Variants in TAOK1 observed in about 807,000 individuals in gnomAD.
TAOK1 encodes TAO kinase 1, also known as serine/threonine-protein kinase TAO1.
Under a neutral mutation model 138.3 loss-of-function variants are expected in TAOK1, and 21 were observed. The ratio of observed to expected loss-of-function variants is 0.15; its 90% confidence interval spans 0.11 to 0.22. The LOEUF is 0.22. TAOK1 is among the 10% of genes least tolerant of loss of function. The probability of loss-of-function intolerance (pLI) is 1.00; values close to 1 mark genes in which losing one functional copy is unlikely to be tolerated. For missense variants in TAOK1, 651 were observed against 1,227.7 expected (o/e 0.53, Z 7.02); for synonymous variants, 361 against 398.4 (o/e 0.91, Z 1.12).
intron 16 of TAOK1, 114 bp downstream of exon 16, chr17:29,517,770 A>G (rs1691489500): frequency 2.2e-6 from 2 of 915,378 alleles, no homozygotes; most frequent in Non-Finnish European, 3.2e-6. Context: ...CTCTGTCTGA[A>G]TCATTCTTCC....
intron 8 of TAOK1, among the ~76,000 whole-genome samples, chr17:29,484,671 C>T (rs2031131710): frequency 6.6e-6 from 1 of 152,010 alleles, no homozygotes; most frequent in Admixed American, 6.6e-5. Flanking sequence ...GTGGCACAAT[C>T]TTGGCTCACT....
intron 11 of TAOK1, among the ~76,000 whole-genome samples, chr17:29,496,293 T>C (rs1236630010): frequency 1.3e-5 from 2 of 151,998 alleles, no homozygotes; most frequent in Non-Finnish European, 2.9e-5. Context: ...ATTTTTTGTA[T>C]TTTTAGTAGA....
At chr17:29,395,940 T>C (rs896644910) in intron 1 of TAOK1, among the ~76,000 whole-genome samples, 1 of 149,252 alleles carries the variant, frequency 6.7e-6, no homozygotes, top group African/African-American at 2.5e-5. Flanking sequence ...AGTGCTGAGA[T>C]TACAGACATG....
At chr17:29,530,898 A>G (rs1278807661) in intron 18 of TAOK1, among the ~76,000 whole-genome samples, 1 of 151,936 alleles carries the variant, frequency 6.6e-6, no homozygotes, top group African/African-American at 2.4e-5. Context: ...AGCTTTGGGA[A>G]GCAGTGAGCA....
At chr17:29,458,560 C>A (rs758136199) in intron 2 of TAOK1, among the ~76,000 whole-genome samples, 5 of 152,200 alleles carry the variant, frequency 3.3e-5, no homozygotes, top group Admixed American at 1.3e-4. Context: ...TGCAATGGCA[C>A]AATCTTGTCA....
intron 1 of TAOK1, among the ~76,000 whole-genome samples, chr17:29,401,051 A>G (rs889765948): frequency 4.6e-5 from 7 of 151,714 alleles, no homozygotes; most frequent in African/African-American, 1.7e-4. Flanking sequence ...CTGCGACTAC[A>G]GGTGTGCACC....
intron 2 of TAOK1, among the ~76,000 whole-genome samples, chr17:29,456,486 G>T (rs968969444): frequency 1.3e-5 from 2 of 150,302 alleles, no homozygotes; most frequent in Non-Finnish European, 2.9e-5. Flanking sequence ...CGATTTTCTT[G>T]AGTTAGTTTA....
At chr17:29,459,346 T>A (rs1392788701) in intron 2 of TAOK1, among the ~76,000 whole-genome samples, 1 of 152,124 alleles carries the variant, frequency 6.6e-6, no homozygotes, top group Non-Finnish European at 1.5e-5. Context: ...ATTGCCTGCT[T>A]TGTCAGCTCA....
At chr17:29,437,121 T>C (rs1906056981) in intron 1 of TAOK1, among the ~76,000 whole-genome samples, 1 of 152,164 alleles carries the variant, frequency 6.6e-6, no homozygotes, top group South Asian at 2.1e-4. Context: ...TGGAGTGCAG[T>C]GGTGTGATCT....
intron 17 of TAOK1, 131 bp from the exon 18 acceptor site, chr17:29,530,276 C>G: frequency 4.0e-6 from 3 of 753,164 alleles, no homozygotes; most frequent in Non-Finnish European, 6.4e-6. Flanking sequence ...TACCTGCAAC[C>G]TGATGATCTG....
In TAOK1 at chr17:29,543,110, G is replaced by A; in HGVS notation, c.*88G>A. ...TCATCACAGCAGCCTCCTCACTTGG[G>A]TACTACAGTGTGGAAGCTGAGTGCA... On this transcript the variant is annotated 3_prime_UTR_variant, in exon 20 of 20. Coordinates refer to ENST00000261716, the MANE Select transcript of TAOK1 (RefSeq NM_020791.4). 8.7e-7 allele frequency: 1 copy of A among 1,150,926 alleles called. No individual in the cohort carries two copies. Among genetic ancestry groups the A allele is most frequent in the Non-Finnish European group, 1.2e-6 (1 of 829,844 alleles). 71.3% of individuals were successfully genotyped at this position (1,150,926 alleles called of 1,614,324 possible). A position where few individuals can be genotyped will look rare whatever the true frequency, so the allele number is the denominator to read the frequency against.
At chr17:29,510,822 T>C (rs201809808) in intron 14 of TAOK1, 42 bp from the exon 15 acceptor site, 3 of 1,453,144 alleles carry the variant, frequency 2.1e-6, no homozygotes, top group Non-Finnish European at 2.8e-6. Flanking sequence ...CACTACTTTA[T>C]CTACTTAACT....
At chr17:29,396,174 G>A (rs1904594439) in intron 1 of TAOK1, among the ~76,000 whole-genome samples, 1 of 152,010 alleles carries the variant, frequency 6.6e-6, no homozygotes. Context: ...TGTGTGGAGG[G>A]ACTAGCAGCA....
At chr17:29,512,414 CTG>C (rs2031738640) in intron 15 of TAOK1, 1 of 144,336 alleles carries the variant, frequency 6.9e-6, no homozygotes. Context: ...GAGTCTCACT[CTG>C]TTGCCCAGGC....
chr17:29,532,155 C>T (rs1035945929), intron 18 of TAOK1, among the ~76,000 whole-genome samples: 3 of 152,014 alleles, frequency 2.0e-5, no homozygotes, highest in Non-Finnish European at 2.9e-5. Flanking sequence ...CCACCGCGCC[C>T]GGCAATATGT....
intron 14 of TAOK1, among the ~76,000 whole-genome samples, chr17:29,510,197 C>T (rs55865440): frequency 0.014 from 2,097 of 151,920 alleles, 30 homozygotes; most frequent in Non-Finnish European, 0.024. Context: ...GCCAACATGG[C>T]AAAACCCCAT....
chr17:29,533,161 TGGG>T (rs2032157839), intron 18 of TAOK1, among the ~76,000 whole-genome samples: 1 of 138,602 alleles, frequency 7.2e-6, no homozygotes, highest in African/African-American at 2.7e-5. Flanking sequence ...ACCTCCCAGA[TGGG>T]GTCGCGGCCG....
chr17:29,518,892 A>G lies in TAOK1; in HGVS notation c.1908+1236A>G, dbSNP rs533791949. Reference sequence around the variant, plus strand: ...AGCAATTCTCCTGCCTCAGCCTCTCAAGTAACTGGGACTACAGGCGTGCAT... The same window carrying G: ...AGCAATTCTCCTGCCTCAGCCTCTCGAGTAACTGGGACTACAGGCGTGCAT... On this transcript the variant is annotated intron_variant, in intron 16 of 19. Coordinates refer to ENST00000261716, the MANE Select transcript of TAOK1 (RefSeq NM_020791.4). 9.9e-5 allele frequency among the ~76,000 whole-genome samples: 15 copies of G among 152,060 alleles called. No individual in the cohort carries two copies. In the East Asian group the frequency reaches 2.5e-3, roughly 26 times the overall value.
At chr17:29,492,957 A>G (rs11867596) in intron 10 of TAOK1, among the ~76,000 whole-genome samples, 10,583 of 148,292 alleles carry the variant, frequency 0.071, 493 homozygotes, top group Non-Finnish European at 0.1. Context: ...CCTGGCCAAA[A>G]TGGTGAAACC....
Sources: gnomAD v4.1 joint callset for allele counts (sites outside exome capture counted in the v4.1 genomes callset) on GRCh38, gnomAD v4.1.1 for gene constraint, MANE v1.5 for transcripts, NCBI Gene and HGNC (gene_info 2026-07-23, HGNC 2026-07-21) for gene names.